Variants in TMEM144 observed in about 807,000 individuals in gnomAD.
TMEM144 encodes transmembrane protein 144.
A neutral mutation model predicts 43.6 loss-of-function variants in TMEM144; 39 were observed. That is an observed-to-expected ratio of 0.90 (90% CI 0.69 to 1.17). The LOEUF is 1.17. TMEM144 is among the 50% of genes most tolerant of loss of function. TMEM144 has a pLI of 0.00. For missense variants in TMEM144, 417 were observed against 411.9 expected, an observed-to-expected ratio of 1.01 and a Z score of -0.11; for synonymous variants, 154 against 133.6, an observed-to-expected ratio of 1.15 and a Z score of -1.06.
chr4:158,215,116 A>ATT, intron 3 of TMEM144, 75 bp from the exon 4 acceptor site: 1 of 1,578,528 alleles, frequency 6.3e-7, no homozygotes, highest in Non-Finnish European at 8.7e-7. Context: ...CTGTAATATC[A>ATT]CCTCATAGAT....
At position 158,243,545 on chromosome 4, in the gene TMEM144, C is replaced by T. The variant is rs559257257; in HGVS notation, c.901-751C>T. Among the ~76,000 whole-genome samples, 8 of 152,236 alleles carry T rather than the reference C, an allele frequency of 5.3e-5. No homozygotes were observed. The East Asian group carries it at 5.8e-4, about 11-fold the overall frequency. On this transcript the variant is annotated intron_variant, in intron 11 of 12. Transcript: ENST00000296529. ...TTCTCCACAAAGACCACACCTAGCC[C>T]GCATTCCAATTTTCTTCCTTCTCAG...
Position 158,241,525 on chromosome 4 carries a change from A to G in TMEM144, c.819A>G (p.Val273=). The change falls in exon 11 of 13, where the codon GTA becomes GTG. Residue 273 remains valine (V), a synonymous_variant. Transcript: ENST00000296529. ...EAVLPGFLSG[V]LWAIATCCWF... ...GTATTTCAGGATTCCTGTCAGGAGT[A>G]CTTTGGGCTATAGCTACCTGCTGTT... 6.2e-7 allele frequency: 1 copy of G among 1,613,872 alleles called. No individual in the cohort carries two copies. The highest frequency in any genetic ancestry group is 1.1e-5 in the South Asian group (1 of 91,056).
At chr4:158,213,240 GTACA>G in intron 3 of TMEM144, 1 of 161,264 alleles carries the variant, frequency 6.2e-6, no homozygotes, top group Non-Finnish European at 1.3e-5. Flanking sequence ...GCAGACACAC[GTACA>G]ATCTTCAAAT....
At chr4:158,236,481 G>A (rs1365244807) in intron 8 of TMEM144, among the ~76,000 whole-genome samples, 1 of 152,122 alleles carries the variant, frequency 6.6e-6, no homozygotes, top group Non-Finnish European at 1.5e-5. Context: ...CTGCGTTTGG[G>A]ACGCTCCACG....
chr4:158,233,093 C>A, intron 7 of TMEM144, 111 bp downstream of exon 7: 1 of 751,946 alleles, frequency 1.3e-6, no homozygotes, highest in South Asian at 2.0e-5. Context: ...TCACTCCTGG[C>A]TATGTAAAAT....
At chr4:158,251,573 G>T (rs1171565823) in intron 12 of TMEM144, among the ~76,000 whole-genome samples, 2 of 152,180 alleles carry the variant, frequency 1.3e-5, no homozygotes, top group Non-Finnish European at 2.9e-5. Flanking sequence ...GATCAAGCTG[G>T]CTAAGACCAA....
chr4:158,217,966 A>G (rs1734312639), intron 5 of TMEM144, among the ~76,000 whole-genome samples: 2 of 152,104 alleles, frequency 1.3e-5, no homozygotes, highest in South Asian at 4.1e-4. Flanking sequence ...CCATCCATTT[A>G]AGGATTGTCT....
chr4:158,253,509 T>C lies in TMEM144; in HGVS notation c.1020T>C (p.Thr340=), dbSNP rs575444972. Reference sequence around the variant, plus strand: ...TCATCTTGACTGGAGCCTTATGCACTGCTTTTTCTAAAATCTAACAATGAC... The same window carrying C: ...TCATCTTGACTGGAGCCTTATGCACCGCTTTTTCTAAAATCTAACAATGAC... ...FCIILTGALC[T]AFSKI Residue 340 remains threonine, a synonymous_variant, in exon 13 of 13, where the codon ACT becomes ACC. Transcript: ENST00000296529. The C allele has an allele frequency of 1.2e-6, 2 of 1,613,758 alleles. No individual in the cohort carries two copies. The highest frequency in any genetic ancestry group is 2.7e-5 in the African/African-American group (2 of 75,036).
intron 12 of TMEM144, among the ~76,000 whole-genome samples, chr4:158,247,332 T>C (rs1184813269): frequency 6.6e-6 from 1 of 151,990 alleles, no homozygotes; most frequent in Non-Finnish European, 1.5e-5. Flanking sequence ...TATTATACGA[T>C]ATTTCCTATA....
chr4:158,232,166 A>G (rs1735114967), intron 6 of TMEM144, among the ~76,000 whole-genome samples: 1 of 152,268 alleles, frequency 6.6e-6, no homozygotes, highest in Non-Finnish European at 1.5e-5. Context: ...AGCCAAGAGT[A>G]AGTGAGGCAT....
intron 12 of TMEM144, among the ~76,000 whole-genome samples, chr4:158,249,711 T>G (rs987255741): frequency 1.3e-5 from 2 of 152,346 alleles, no homozygotes; most frequent in South Asian, 4.1e-4. Flanking sequence ...TTAATTTAAG[T>G]AATTGCATCA....
intron 5 of TMEM144, 23 bp downstream of exon 5, chr4:158,217,443 A>G: frequency 6.6e-7 from 1 of 1,514,172 alleles, no homozygotes; most frequent in Non-Finnish European, 9.2e-7. Flanking sequence ...AAACTAGTTC[A>G]ACTAAGATTT....
intron 3 of TMEM144, 97 bp downstream of exon 3, chr4:158,212,873 T>G (rs1560818400): frequency 1.1e-6 from 1 of 943,810 alleles, no homozygotes; most frequent in Non-Finnish European, 1.7e-6. Context: ...ATAAATCATG[T>G]TGATCTTGAT....
Position 158,253,450 on chromosome 4 carries a change from C to T in TMEM144, c.961C>T (p.Gln321Ter), listed in dbSNP as rs1216940441. The T allele has an allele frequency of 2.5e-6, 4 of 1,612,584 alleles. No homozygotes were observed. Among genetic ancestry groups the T allele is most frequent in the South Asian group, 2.2e-5 (2 of 90,986 alleles). The change falls in exon 13 of 13, where the codon CAA (glutamine) becomes TAA (stop). Residue 321 changes from glutamine to a stop codon, truncating the protein, a stop_gained. Transcript: ENST00000296529. LOFTEE classifies it high-confidence loss of function. ...ATTCTTTTTTCTTATTCAGGGTCTA[C>T]AAAACTACCTATTAATGATACTTGC... The part of the protein sequence containing the change: ...IFMFKEIKGL[Q>*]NYLLMILAFC...
intron 3 of TMEM144, chr4:158,213,200 TA>T (rs1231128704): frequency 5.1e-6 from 1 of 195,100 alleles, no homozygotes; most frequent in East Asian, 1.3e-4. Flanking sequence ...CCTAGATGAA[TA>T]AAGATGTGTG....
intron 5 of TMEM144, among the ~76,000 whole-genome samples, chr4:158,217,848 C>G (rs145268239): frequency 2.1e-3 from 320 of 152,294 alleles, no homozygotes; most frequent in Middle Eastern, 6.8e-3. Flanking sequence ...AAACCCAGGT[C>G]TTCTAGTTCC....
chr4:158,249,887 G>GATGTGTGTGTGT lies in TMEM144; in HGVS notation c.955-3557_955-3556insATGTGTGTGTGT, dbSNP rs1736097384. 2.2e-5 allele frequency among the ~76,000 whole-genome samples: 3 copies of GATGTGTGTGTGT among 134,534 alleles called. No homozygotes were observed. In the Admixed American group the frequency reaches 2.2e-4, roughly 10 times the overall value. 88.3% of individuals were successfully genotyped at this position (134,534 alleles called of 152,430 possible). The stretch of plus-strand genomic sequence containing the variant: ...CTGGGAAATCCAAAGCCTACTGCCA[G>GATGTGTGTGTGT]GTGTGTGTGTGTGTGTGTGTGTGTG... On this transcript the variant is annotated intron_variant, in intron 12 of 12. Coordinates refer to ENST00000296529, the MANE Select transcript of TMEM144 (RefSeq NM_018342.5).
intron 12 of TMEM144, among the ~76,000 whole-genome samples, chr4:158,252,590 T>G (rs529629111): frequency 6.6e-6 from 1 of 152,154 alleles, no homozygotes; most frequent in Non-Finnish European, 1.5e-5. Flanking sequence ...GGCAGATCAC[T>G]TGAGGTCAGG....
chr4:158,242,625 T>C (rs1735686802), intron 11 of TMEM144, among the ~76,000 whole-genome samples: 1 of 152,092 alleles, frequency 6.6e-6, no homozygotes, highest in African/African-American at 2.4e-5. Context: ...TTGAAAGTAG[T>C]ATCCACTTTG....
Sources: gnomAD v4.1 joint callset for allele counts (sites outside exome capture counted in the v4.1 genomes callset) on GRCh38, gnomAD v4.1.1 for gene constraint, MANE v1.5 for transcripts, NCBI Gene and HGNC (gene_info 2026-07-23, HGNC 2026-07-21) for gene names.